The following PMM2 variants were observed in gnomAD, a reference collection of about 807,000 sequenced individuals.
PMM2 encodes phosphomannomutase 2, also known as mannose-6-phosphate isomerase.
In PMM2, 35 loss-of-function variants were observed where a neutral mutation model predicts 33.2. The ratio of observed to expected loss-of-function variants is 1.06; its 90% CI spans 0.81 to 1.40. The LOEUF (loss-of-function observed/expected upper bound fraction) is 1.40. Ranked by LOEUF, PMM2 falls within the 40% of genes most tolerant of loss-of-function variation. PMM2 has a pLI of 0.00. For missense variants in PMM2, 386 were observed against 306.0 expected (o/e 1.26, Z -1.95); for synonymous variants, 153 against 114.7 (o/e 1.33, Z -2.13).
intron 4 of PMM2, chr16:8,809,294 G>C (rs912704380): frequency 1.3e-5 from 2 of 152,202 alleles, no homozygotes; most frequent in African/African-American, 4.8e-5. Flanking sequence ...GTTTCATAGG[G>C]TTCCCAGGCA....
intron 1 of PMM2, among the ~76,000 whole-genome samples, chr16:8,798,606 G>A (rs1347483838): frequency 6.6e-6 from 1 of 152,204 alleles, no homozygotes; most frequent in Non-Finnish European, 1.5e-5. Context: ...TAGGGAGATG[G>A]AGGAGCCCTA....
At chr16:8,810,717 T>C (rs942837560) in intron 4 of PMM2, 61 of 349,968 alleles carry the variant, frequency 1.7e-4, no homozygotes, top group African/African-American at 1.1e-3. Flanking sequence ...GCTGGGATTA[T>C]AGGCATGCAT....
intron 7 of PMM2, chr16:8,832,936 C>A (rs1340274667): frequency 1.1e-6 from 1 of 887,544 alleles, no homozygotes; most frequent in African/African-American, 1.9e-5. Context: ...CAACAAGGCG[C>A]CCAAGAGCTG....
intron 7 of PMM2, among the ~76,000 whole-genome samples, chr16:8,837,593 CAG>C (rs2060858781): frequency 6.6e-6 from 1 of 151,058 alleles, no homozygotes; most frequent in Non-Finnish European, 1.5e-5. Flanking sequence ...GATTGGGGCA[CAG>C]AGATATAAGA....
At chr16:8,845,039 C>G (rs564505765) in intron 7 of PMM2, among the ~76,000 whole-genome samples, 86 of 152,304 alleles carry the variant, frequency 5.6e-4, no homozygotes, top group Non-Finnish European at 1.0e-3. Context: ...TCATGCGCGT[C>G]CATGTGAAGA....
rs199808590 is a variant in PMM2 at position 8,843,285 on chromosome 16, TGA to T, written c.640-4435_640-4434del. ...CAGTGGGTGGACTTACCCTCCACTG[TGA>T]GAGTTACCCAAAGCTTGGCGTCCGT... On this transcript the variant is annotated intron_variant, in intron 7 of 7. Transcript: ENST00000268261. Among the ~76,000 whole-genome samples the T allele has an allele frequency of 6.7e-3, 1,013 of 152,168 alleles. 13 individuals are homozygous for T. Among genetic ancestry groups the T allele is most frequent in the African/African-American group, 0.024 (979 of 41,514 alleles).
chr16:8,844,796 G>T (rs1006527377), intron 7 of PMM2, among the ~76,000 whole-genome samples: 2 of 152,228 alleles, frequency 1.3e-5, no homozygotes, highest in African/African-American at 2.4e-5. Context: ...AGAAGGGAGA[G>T]ATTGAAGTGT....
chr16:8,816,990 C>G (rs1281309713), intron 7 of PMM2, among the ~76,000 whole-genome samples: 1 of 152,168 alleles, frequency 6.6e-6, no homozygotes, highest in African/African-American at 2.4e-5. Flanking sequence ...TGCTGTGTTG[C>G]CCAGGCTGTA....
intron 5 of PMM2, 48 bp downstream of exon 5, chr16:8,811,226 T>C (rs1437071657): frequency 8.2e-7 from 1 of 1,212,312 alleles, no homozygotes. Context: ...TTTATGGAAA[T>C]AAGATATGGC....
chr16:8,825,611 C>T (rs2060762674), intron 7 of PMM2, among the ~76,000 whole-genome samples: 1 of 152,180 alleles, frequency 6.6e-6, no homozygotes, highest in South Asian at 2.1e-4. Context: ...TGAGCCACCA[C>T]TCCTAGCCAA....
At chr16:8,816,335 A>G (rs1422064345) in intron 7 of PMM2, among the ~76,000 whole-genome samples, 2 of 151,876 alleles carry the variant, frequency 1.3e-5, no homozygotes, top group Admixed American at 6.6e-5. Flanking sequence ...CATGTTGGCC[A>G]GCCTGGTCTC....
At chr16:8,802,832 GA>G (rs35990619) in intron 2 of PMM2, among the ~76,000 whole-genome samples, 5 of 147,804 alleles carry the variant, frequency 3.4e-5, no homozygotes, top group African/African-American at 7.4e-5. Flanking sequence ...CTCCGTCTTG[GA>G]AAAAAAAAAA....
intron 7 of PMM2, among the ~76,000 whole-genome samples, chr16:8,837,562 G>A (rs1398305123): frequency 6.6e-6 from 1 of 151,718 alleles, no homozygotes; most frequent in African/African-American, 2.4e-5. Context: ...GCAGAGAAGG[G>A]GTTGGGGCAC....
At chr16:8,814,325 C>T (rs141796959) in intron 7 of PMM2, among the ~76,000 whole-genome samples, 4 of 152,266 alleles carry the variant, frequency 2.6e-5, no homozygotes, top group East Asian at 1.9e-4. Flanking sequence ...CCCTCTGCCT[C>T]CCTCCCACAT....
chr16:8,804,031 G>GTTTTTTGT (rs778630854), intron 2 of PMM2, among the ~76,000 whole-genome samples: 1,884 of 87,452 alleles, frequency 0.022, 33 homozygotes, highest in African/African-American at 0.038. Context: ...GGTTTTTTTT[G>GTTTTTTGT]TTTTTTTTTT....
intron 7 of PMM2, among the ~76,000 whole-genome samples, chr16:8,816,386 A>G (rs1040395240): frequency 4.6e-5 from 7 of 151,012 alleles, no homozygotes; most frequent in African/African-American, 1.7e-4. Context: ...TTGACCTCCC[A>G]AAGTGCTAGG....
At chr16:8,822,213 C>A (rs1230576332) in intron 7 of PMM2, among the ~76,000 whole-genome samples, 1 of 152,158 alleles carries the variant, frequency 6.6e-6, no homozygotes, top group Non-Finnish European at 1.5e-5. Context: ...GTTTTTCTTG[C>A]TATCTTCTGT....
chr16:8,821,444 C>G (rs1357265104), intron 7 of PMM2, among the ~76,000 whole-genome samples: 1 of 152,212 alleles, frequency 6.6e-6, no homozygotes, highest in Non-Finnish European at 1.5e-5. Flanking sequence ...ACAACCAGCC[C>G]ACAGAGTGAG....
Position 8,825,901 on chromosome 16 carries a change from G to A in PMM2, c.639+12795G>A, listed in dbSNP as rs1025261838. 7.9e-5 allele frequency among the ~76,000 whole-genome samples: 12 copies of A among 151,900 alleles called. No homozygotes were observed. In the East Asian group the frequency reaches 1.4e-3, roughly 17 times the overall value. On this transcript the variant is annotated intron_variant, in intron 7 of 7. Transcript: ENST00000268261. ...CTCCCGAGTAGCTGGGACTACAGGC[G>A]TGTGCCACCACGCCCGGCTAATTTT...
Sources: allele counts gnomAD v4.1 joint callset (sites outside exome capture counted in the v4.1 genomes callset), GRCh38; gene constraint gnomAD v4.1.1; transcripts MANE v1.5; gene names NCBI Gene and HGNC (gene_info 2026-07-23, HGNC 2026-07-21).